The following CD99L2 variants were observed in gnomAD, a reference collection of about 807,000 sequenced individuals.
The protein encoded by CD99L2 is CD99 antigen-like protein 2.
A neutral mutation model predicts 27.3 loss-of-function variants in CD99L2; 24 were observed. The observed-to-expected ratio is 0.88, with a 90% CI of 0.64 to 1.24. CD99L2 has a LOEUF of 1.24. CD99L2 is among the 50% of genes most tolerant of loss of function. The pLI, the probability that CD99L2 is intolerant of heterozygous loss-of-function variation, is 0.00. For synonymous variants in CD99L2, 97 were observed against 87.9 expected, an observed-to-expected ratio of 1.10 and a Z score of -0.58; for missense variants, 255 against 221.6, an observed-to-expected ratio of 1.15 and a Z score of -0.96.
chrX:150,871,877 G>GA (rs2047162304), intron 1 of CD99L2, among the ~76,000 whole-genome samples: 1 of 112,044 alleles, frequency 8.9e-6, no homozygotes. Context: ...AACAAAAAAG[G>GA]AAATAATCTA....
At chrX:150,791,038 C>T (rs2045679239) in intron 7 of CD99L2, among the ~76,000 whole-genome samples, 3 of 110,821 alleles carry the variant, frequency 2.7e-5, no homozygotes, top group Admixed American at 9.6e-5. Context: ...CTGTCCTCTC[C>T]ACCAATCAGG....
In CD99L2 at chrX:150,805,261, G is replaced by GA. The variant is rs202039803; in HGVS notation, c.277+9600dup. ...CAGCTTTACAACTCAAAGAAAATTA[G>GA]AAAAAAAACCAAAACTGAACTCATA... On this transcript the variant is annotated intron_variant, in intron 4 of 10. Coordinates refer to ENST00000370377, the MANE Select transcript of CD99L2 (RefSeq NM_031462.4). Among the ~76,000 whole-genome samples, 560 of 109,259 alleles carry GA rather than the reference G, an allele frequency of 5.1e-3. 7 individuals are homozygous for GA. Among genetic ancestry groups the GA allele is most frequent in the Middle Eastern group, 9.3e-3 (2 of 215 alleles). The allele number at this position is 109,259 out of a possible 115,157, so 94.9% of individuals were successfully genotyped here.
At chrX:150,852,231 C>T (rs1471938867) in intron 1 of CD99L2, among the ~76,000 whole-genome samples, 8 of 111,493 alleles carry the variant, frequency 7.2e-5, no homozygotes, top group Non-Finnish European at 1.5e-4. Context: ...GAAGTTCGCT[C>T]TGTTGTGTGG....
Position 150,768,831 on chromosome X carries a change from A to C in CD99L2, c.*203T>G. 1 of 922,594 alleles carries C rather than the reference A, an allele frequency of 1.1e-6. No homozygotes were observed. Among genetic ancestry groups the C allele is most frequent in the South Asian group, 4.7e-5 (1 of 21,324 alleles). The allele number at this position is 922,594 out of a possible 1,213,427, so 76.0% of individuals were successfully genotyped here. On this transcript the variant is annotated 3_prime_UTR_variant, in exon 11 of 11. Transcript: ENST00000370377. ...GCTTTCTATCAGAGCTGGCTCTTGA[A>C]TTTCGGCACCAAGTCTCAGCACGCT...
At chrX:150,770,501 G>T in intron 9 of CD99L2, 132 bp from the exon 10 acceptor site, 2 of 506,942 alleles carry the variant, frequency 3.9e-6, no homozygotes, top group South Asian at 6.2e-5. Context: ...TCAAAACCCT[G>T]CACCCTGAGC....
At chrX:150,779,058 T>A (rs1557419381) in intron 7 of CD99L2, among the ~76,000 whole-genome samples, 1 of 111,681 alleles carries the variant, frequency 9.0e-6, no homozygotes, top group African/African-American at 3.3e-5. Flanking sequence ...CAACCTATTC[T>A]TTCACCTCAA....
At chrX:150,815,128 TTAC>T (rs2046133192) in intron 3 of CD99L2, among the ~76,000 whole-genome samples, 192 bp from the exon 4 acceptor site, 2 of 112,585 alleles carry the variant, frequency 1.8e-5, no homozygotes. Context: ...ATAGAAAAAG[TTAC>T]TACTTTCTGA....
intron 1 of CD99L2, among the ~76,000 whole-genome samples, chrX:150,847,177 T>C (rs941294537): frequency 8.9e-6 from 1 of 112,355 alleles, no homozygotes; most frequent in African/African-American, 3.2e-5. Flanking sequence ...CAAGGAAGCA[T>C]GTCCTGAATT....
Position 150,831,237 on chromosome X carries a change from C to T in CD99L2, c.124G>A (p.Val42Ile). The change falls in exon 2 of 11, where the codon GTA becomes ATA. Residue 42 changes from valine (V) to isoleucine (I), a missense_variant. By Grantham distance (29) the Val-to-Ile change is conservative. Transcript: ENST00000370377. Reference sequence around the variant, plus strand: ...TATTTGATTTACTACTCACGCTTTACTGAGGAAGTTTCTTTCACTGCATCC... The same window carrying T: ...TATTTGATTTACTACTCACGCTTTATTGAGGAAGTTTCTTTCACTGCATCC... ...LEDAVKETSS[V>I]KQPWDHTTTT... 2 of 1,200,503 alleles carry T rather than the reference C, an allele frequency of 1.7e-6. No individual in the cohort carries two copies. The highest frequency in any genetic ancestry group is 2.3e-6 in the Non-Finnish European group (2 of 887,226).
chrX:150,790,397 C>G (rs1274649085), intron 7 of CD99L2, among the ~76,000 whole-genome samples: 3 of 110,215 alleles, frequency 2.7e-5, no homozygotes, highest in Non-Finnish European at 5.7e-5. Context: ...GGGTGGGGGA[C>G]TCCCAGGATG....
Position 150,860,109 on chromosome X carries a change from A to C in CD99L2, c.68-28816T>G, listed in dbSNP as rs782702840. On this transcript the variant is annotated intron_variant, in intron 1 of 10. Coordinates refer to ENST00000370377, the MANE Select transcript of CD99L2 (RefSeq NM_031462.4). The stretch of plus-strand genomic sequence containing the variant: ...ATAATAGCAAACTGAATTAAATAGC[A>C]CATCAAAAAAATAATACACCACGAT... 4.5e-5 allele frequency among the ~76,000 whole-genome samples: 5 copies of C among 112,037 alleles called. No homozygotes were observed. In the South Asian group the frequency reaches 1.9e-3, roughly 41 times the overall value.
rs1293486567 is a variant in CD99L2, at chrX:150,767,978, C to T, written c.*1056G>A. ...GGGTTCCTGTGTTTGCCACGGTGAG[C>T]ATGGCTCCCCACGCACTCTCCCTCA... On this transcript the variant is annotated 3_prime_UTR_variant, in exon 11 of 11. Transcript: ENST00000370377. 1.8e-5 allele frequency: 2 copies of T among 112,366 alleles called. No individual in the cohort carries two copies. The highest frequency in any genetic ancestry group is 3.8e-5 in the Non-Finnish European group (2 of 53,215). 9.3% of individuals were successfully genotyped at this position (112,366 alleles called of 1,213,427 possible).
chrX:150,837,009 C>T (rs1274648790), intron 1 of CD99L2, among the ~76,000 whole-genome samples: 5 of 111,872 alleles, frequency 4.5e-5, no homozygotes, highest in Non-Finnish European at 3.8e-5. Flanking sequence ...ATATTTATAG[C>T]CATGAGTATA....
intron 1 of CD99L2, among the ~76,000 whole-genome samples, chrX:150,871,121 T>G (rs2047150026): frequency 8.9e-6 from 1 of 112,690 alleles, no homozygotes; most frequent in Non-Finnish European, 1.9e-5. Context: ...TATTCCTTTA[T>G]CAGAAGGCTT....
At chrX:150,839,372 A>G (rs1301936711) in intron 1 of CD99L2, among the ~76,000 whole-genome samples, 1 of 111,702 alleles carries the variant, frequency 9.0e-6, no homozygotes, top group East Asian at 2.8e-4. Context: ...GGAAATTGTA[A>G]CAGCTAAATC....
chrX:150,824,700 AGG>A (rs1557420875), intron 2 of CD99L2, among the ~76,000 whole-genome samples: 154 of 89,337 alleles, frequency 1.7e-3, no homozygotes, highest in African/African-American at 6.5e-3. Context: ...GAAGAGGAAG[AGG>A]AAGAGGAAGA....
chrX:150,826,010 G>A (rs782802678), intron 2 of CD99L2, among the ~76,000 whole-genome samples: 13 of 111,611 alleles, frequency 1.2e-4, no homozygotes, highest in Non-Finnish European at 2.4e-4. Context: ...GTATTCAAAG[G>A]TGAGGACTTT....
chrX:150,867,345 G>A (rs1489628140), intron 1 of CD99L2, among the ~76,000 whole-genome samples: 1 of 111,769 alleles, frequency 8.9e-6, no homozygotes, highest in Non-Finnish European at 1.9e-5. Flanking sequence ...GGGAAGCAAA[G>A]GTTGTAGTGA....
At chrX:150,803,225 C>T (rs1177400353) in intron 4 of CD99L2, among the ~76,000 whole-genome samples, 2 of 111,566 alleles carry the variant, frequency 1.8e-5, no homozygotes, top group African/African-American at 6.5e-5. Context: ...TACATTTAAA[C>T]ATGTACCGGA....
Sources: allele counts gnomAD v4.1 joint callset (sites outside exome capture counted in the v4.1 genomes callset), GRCh38; gene constraint gnomAD v4.1.1; transcripts MANE v1.5; gene names NCBI Gene and HGNC (gene_info 2026-07-23, HGNC 2026-07-21).